SBF2: variants seen among roughly 807,000 people sequenced by gnomAD.
SBF2 encodes myotubularin-related protein 13.
SBF2 carries 112 observed loss-of-function variants against 225.2 expected under a neutral mutation model. That is an observed-to-expected ratio of 0.50 (90% CI 0.43 to 0.58). SBF2 has a LOEUF of 0.58. Among genes scored for constraint, SBF2 ranks in the 20% least tolerant of loss-of-function variants. SBF2 has a pLI of 0.00. For missense variants in SBF2, 1,996 were observed against 2,206.2 expected (o/e 0.90, Z 1.91); for synonymous variants, 763 against 773.3 (o/e 0.99, Z 0.22).
At chr11:9,936,016 G>A (rs1476514729) in intron 16 of SBF2, among the ~76,000 whole-genome samples, 2 of 152,144 alleles carry the variant, frequency 1.3e-5, no homozygotes, top group Non-Finnish European at 2.9e-5. Flanking sequence ...AGAGTGAATA[G>A]GCAATCTACA....
At chr11:9,905,682 TTAGA>T (rs1862064660) in intron 16 of SBF2, among the ~76,000 whole-genome samples, 1 of 152,160 alleles carries the variant, frequency 6.6e-6, no homozygotes, top group Non-Finnish European at 1.5e-5. Context: ...CAGTTACTGG[TTAGA>T]TAGATTTTTA....
chr11:9,981,278 C>T (rs546540973), intron 13 of SBF2, among the ~76,000 whole-genome samples: 1 of 152,204 alleles, frequency 6.6e-6, no homozygotes, highest in South Asian at 2.1e-4. Context: ...AAGCTGGCAA[C>T]AATAGACACC....
intron 6 of SBF2, among the ~76,000 whole-genome samples, chr11:10,024,645 G>A (rs546914258): frequency 1.5e-4 from 23 of 152,180 alleles, no homozygotes; most frequent in Non-Finnish European, 2.8e-4. Flanking sequence ...ACAGAAACAA[G>A]TCCCTTAGGC....
intron 16 of SBF2, among the ~76,000 whole-genome samples, chr11:9,955,815 T>A (rs1242132614): frequency 3.3e-5 from 5 of 152,104 alleles, no homozygotes; most frequent in Non-Finnish European, 5.9e-5. Flanking sequence ...CTGCCCCTCC[T>A]CTGTGTCCCG....
intron 1 of SBF2, among the ~76,000 whole-genome samples, chr11:10,270,828 C>T (rs1487709672): frequency 6.6e-6 from 1 of 151,750 alleles, no homozygotes; most frequent in Non-Finnish European, 1.5e-5. Context: ...CCCGTCTCTA[C>T]TAAAAAACGG....
chr11:10,002,178 C>G (rs1947996972), intron 7 of SBF2, among the ~76,000 whole-genome samples: 1 of 151,916 alleles, frequency 6.6e-6, no homozygotes, highest in South Asian at 2.1e-4. Context: ...TATTGTTTAC[C>G]CATATAATAC....
intron 22 of SBF2, among the ~76,000 whole-genome samples, 171 bp downstream of exon 22, chr11:9,849,852 A>G (rs1240338079): frequency 6.6e-6 from 1 of 152,240 alleles, no homozygotes; most frequent in African/African-American, 2.4e-5. Context: ...GTAAAAAACT[A>G]TGACCCAAAT....
intron 13 of SBF2, among the ~76,000 whole-genome samples, chr11:9,983,920 C>G (rs1443862225): frequency 6.6e-6 from 1 of 152,198 alleles, no homozygotes; most frequent in Non-Finnish European, 1.5e-5. Context: ...ACAAAATAAT[C>G]TGAACAACAG....
intron 16 of SBF2, among the ~76,000 whole-genome samples, chr11:9,938,715 A>G (rs1225914482): frequency 6.6e-6 from 1 of 152,162 alleles, no homozygotes; most frequent in Non-Finnish European, 1.5e-5. Context: ...ATAAAACTGG[A>G]TATTTCTAAT....
chr11:10,051,029 C>T (rs1167693898), intron 2 of SBF2, among the ~76,000 whole-genome samples: 4 of 151,992 alleles, frequency 2.6e-5, no homozygotes, highest in Non-Finnish European at 5.9e-5. Context: ...TATTAATGTG[C>T]CCATTTTTCT....
chr11:9,948,831 C>T (rs1324454623), intron 16 of SBF2, among the ~76,000 whole-genome samples: 1 of 152,186 alleles, frequency 6.6e-6, no homozygotes, highest in African/African-American at 2.4e-5. Context: ...TTCTCCTTTT[C>T]CATATTTGTA....
intron 1 of SBF2, among the ~76,000 whole-genome samples, chr11:10,198,268 T>C (rs1418418921): frequency 6.6e-6 from 1 of 152,178 alleles, no homozygotes; most frequent in African/African-American, 2.4e-5. Flanking sequence ...AGAATAGATG[T>C]TGTGTTAGCA....
chr11:9,928,696 T>A (rs1261086078), intron 16 of SBF2, among the ~76,000 whole-genome samples: 1 of 152,220 alleles, frequency 6.6e-6, no homozygotes, highest in African/African-American at 2.4e-5. Context: ...TGGAAATGAA[T>A]CAAATATTCA....
intron 28 of SBF2, among the ~76,000 whole-genome samples, chr11:9,826,937 A>C (rs1266724720): frequency 6.6e-6 from 1 of 151,858 alleles, no homozygotes; most frequent in Non-Finnish European, 1.5e-5. Context: ...TCCCGGGTTC[A>C]ACTGATTCTC....
At chr11:9,979,016 A>T (rs1352207259) in intron 13 of SBF2, among the ~76,000 whole-genome samples, 4 of 152,212 alleles carry the variant, frequency 2.6e-5, no homozygotes, top group Non-Finnish European at 5.9e-5. Context: ...CAAAAAGAAC[A>T]ACATGTAAAG....
chr11:10,063,259 CA>C (rs1330456666), intron 2 of SBF2, among the ~76,000 whole-genome samples: 2 of 151,664 alleles, frequency 1.3e-5, no homozygotes, highest in Non-Finnish European at 2.9e-5. Context: ...ATATGTACAA[CA>C]AACCCCCGAC....
At chr11:9,940,632 A>G (rs1865197994) in intron 16 of SBF2, among the ~76,000 whole-genome samples, 1 of 152,212 alleles carries the variant, frequency 6.6e-6, no homozygotes, top group African/African-American at 2.4e-5. Flanking sequence ...GGAATATAAT[A>G]CACATTACTT....
chr11:10,132,006 C>G (rs570187817), intron 2 of SBF2, among the ~76,000 whole-genome samples: 4 of 152,152 alleles, frequency 2.6e-5, no homozygotes, highest in African/African-American at 9.7e-5. Context: ...AGTCTATTAT[C>G]CATTTTGAGT....
intron 18 of SBF2, 21 bp downstream of exon 18, chr11:9,858,205 A>G (rs113603100): frequency 6.2e-7 from 1 of 1,613,480 alleles, no homozygotes; most frequent in Non-Finnish European, 8.5e-7. Context: ...ACACAATTAG[A>G]GTTCTTTTCT....
Sources: gnomAD v4.1 joint callset for allele counts (sites outside exome capture counted in the v4.1 genomes callset) on GRCh38, gnomAD v4.1.1 for gene constraint, MANE v1.5 for transcripts, NCBI Gene and HGNC (gene_info 2026-07-23, HGNC 2026-07-21) for gene names.